Variants in AK4 observed in about 807,000 individuals in gnomAD.
The protein encoded by AK4 is adenylate kinase 4, mitochondrial.
In AK4, 13 loss-of-function variants were observed where a neutral mutation model predicts 24.6. That is an observed-to-expected ratio of 0.53 (90% CI 0.34 to 0.84). The LOEUF (loss-of-function observed/expected upper bound fraction) is 0.84, where lower values mean the gene tolerates loss of function less well. AK4 is among the 40% of genes least tolerant of loss of function. The pLI is 0.01. For synonymous variants in AK4, 88 were observed against 107.0 expected, an observed-to-expected ratio of 0.82 and a Z score of 1.10; for missense variants, 192 against 288.2, an observed-to-expected ratio of 0.67 and a Z score of 2.42.
In AK4 at chr1:65,229,526, CCT is replaced by C. The variant is rs1652571960; in HGVS notation, c.*3356_*3357del. 1 of 151,320 alleles carries C rather than the reference CCT, an allele frequency of 6.6e-6. No individual in the cohort carries two copies. Among genetic ancestry groups the C allele is most frequent in the Non-Finnish European group, 1.5e-5 (1 of 67,880 alleles). 9.4% of individuals were successfully genotyped at this position (151,320 alleles called of 1,614,324 possible). On this transcript the variant is annotated 3_prime_UTR_variant, in exon 5 of 5. Transcript: ENST00000327299. Reference sequence around the variant, plus strand: ...CCAAGCCTGGGCGACACAGCGAGACCCTCTCTCTTAAAAAAAAAAAATAGCAG... The same window carrying C: ...CCAAGCCTGGGCGACACAGCGAGACCCTCTCTTAAAAAAAAAAAATAGCAG...
Position 65,216,342 on chromosome 1 carries a change from T to C in AK4, c.266-2412T>C, listed in dbSNP as rs566713910. ...GACATGGAGTTTTGCCAGGCTGGTCTCGAACTCCTAGCCTCAAGTGATCCA... is the reference window on the plus strand; with the variant it reads ...GACATGGAGTTTTGCCAGGCTGGTCCCGAACTCCTAGCCTCAAGTGATCCA... On this transcript the variant is annotated intron_variant, in intron 2 of 4. Coordinates refer to ENST00000327299, the MANE Select transcript of AK4 (RefSeq NM_013410.4). Among the ~76,000 whole-genome samples, 5 of 152,274 alleles carry C rather than the reference T, an allele frequency of 3.3e-5. No individual in the cohort carries two copies. The South Asian group carries it at 1.0e-3, about 32-fold the overall frequency.
intron 1 of AK4, among the ~76,000 whole-genome samples, chr1:65,183,442 C>G (rs952676913): frequency 6.6e-6 from 1 of 152,010 alleles, no homozygotes; most frequent in African/African-American, 2.4e-5. Flanking sequence ...GGGGGTTTTG[C>G]CATGTTGGCC....
At position 65,161,282 on chromosome 1, in the gene AK4, T is replaced by A. The variant is rs75868399; in HGVS notation, c.145+12730T>A. On this transcript the variant is annotated intron_variant, in intron 1 of 4. Coordinates refer to ENST00000327299, the MANE Select transcript of AK4 (RefSeq NM_013410.4). ...TTATTTTATTATTCATTTGTCCCAT[T>A]TGTCACATGTCCCAGCATTAGGTAT... 2.4e-3 allele frequency among the ~76,000 whole-genome samples: 365 copies of A among 152,222 alleles called. 4 individuals are homozygous for A. Among genetic ancestry groups the A allele is most frequent in the African/African-American group, 8.4e-3 (348 of 41,536 alleles).
At chr1:65,181,061 G>A (rs1650887581) in intron 1 of AK4, among the ~76,000 whole-genome samples, 1 of 150,818 alleles carries the variant, frequency 6.6e-6, no homozygotes, top group Non-Finnish European at 1.5e-5. Context: ...GGAATTTGCT[G>A]TTTTGTGAAC....
intron 2 of AK4, among the ~76,000 whole-genome samples, chr1:65,198,465 C>T (rs780199120): frequency 2.0e-5 from 3 of 152,132 alleles, no homozygotes; most frequent in Admixed American, 6.5e-5. Context: ...ACTAACTTTG[C>T]ACTAGGCTGG....
intron 1 of AK4, among the ~76,000 whole-genome samples, chr1:65,173,977 A>G (rs1650627624): frequency 6.6e-6 from 1 of 152,092 alleles, no homozygotes; most frequent in African/African-American, 2.4e-5. Context: ...GGTGTCCTAA[A>G]AACCTATCAG....
intron 2 of AK4, among the ~76,000 whole-genome samples, chr1:65,212,555 C>T (rs1048446887): frequency 2.6e-5 from 4 of 152,106 alleles, no homozygotes; most frequent in Non-Finnish European, 5.9e-5. Flanking sequence ...GTGGCACAGT[C>T]ACAGCTCACT....
At chr1:65,167,502 T>TA (rs113891826) in intron 1 of AK4, among the ~76,000 whole-genome samples, 158 of 142,758 alleles carry the variant, frequency 1.1e-3, no homozygotes, top group Middle Eastern at 7.0e-3. Flanking sequence ...TGGCTTAGTT[T>TA]AAAAAAAAAA....
At chr1:65,224,214 A>T (rs1652384523) in intron 3 of AK4, among the ~76,000 whole-genome samples, 1 of 152,148 alleles carries the variant, frequency 6.6e-6, no homozygotes, top group Non-Finnish European at 1.5e-5. Context: ...GTATGTCATT[A>T]TTTGATCTAG....
intron 2 of AK4, among the ~76,000 whole-genome samples, chr1:65,206,910 G>T (rs1651829315): frequency 6.6e-6 from 1 of 152,210 alleles, no homozygotes; most frequent in Non-Finnish European, 1.5e-5. Context: ...AGTGATTTTA[G>T]TATAACTTAC....
intron 1 of AK4, among the ~76,000 whole-genome samples, chr1:65,188,087 A>G (rs531267181): frequency 4.6e-5 from 7 of 152,150 alleles, no homozygotes; most frequent in Non-Finnish European, 7.4e-5. Flanking sequence ...CAAGGCTTCT[A>G]CCTAAATTAA....
At chr1:65,189,867 A>G (rs189712090) in intron 1 of AK4, among the ~76,000 whole-genome samples, 3 of 152,304 alleles carry the variant, frequency 2.0e-5, no homozygotes, top group Admixed American at 1.3e-4. Context: ...TCCACTAACA[A>G]CACTCAGCTG....
At chr1:65,197,080 A>G (rs1651495487) in intron 2 of AK4, among the ~76,000 whole-genome samples, 1 of 152,122 alleles carries the variant, frequency 6.6e-6, no homozygotes, top group Non-Finnish European at 1.5e-5. Flanking sequence ...GTTACCTCCT[A>G]CCAGGTTCAT....
chr1:65,153,242 A>C (rs1649860670), intron 1 of AK4, among the ~76,000 whole-genome samples: 1 of 152,180 alleles, frequency 6.6e-6, no homozygotes, highest in Non-Finnish European at 1.5e-5. Context: ...TGTACATCTG[A>C]ATCTTTGCAC....
At chr1:65,161,810 A>G (rs1650176405) in intron 1 of AK4, among the ~76,000 whole-genome samples, 1 of 152,232 alleles carries the variant, frequency 6.6e-6, no homozygotes, top group African/African-American at 2.4e-5. Context: ...TGTACCTGAT[A>G]TCTTCTGGAA....
intron 1 of AK4, among the ~76,000 whole-genome samples, chr1:65,179,872 C>T (rs1190811407): frequency 6.6e-6 from 1 of 152,128 alleles, no homozygotes; most frequent in African/African-American, 2.4e-5. Context: ...TAGAACAACC[C>T]TTGGCACATA....
intron 2 of AK4, among the ~76,000 whole-genome samples, chr1:65,208,673 T>C (rs902062695): frequency 3.9e-5 from 6 of 152,202 alleles, no homozygotes; most frequent in Non-Finnish European, 5.9e-5. Context: ...TGTTGGAAGT[T>C]GCCCTTCTGA....
intron 1 of AK4, among the ~76,000 whole-genome samples, chr1:65,155,854 T>C (rs1005665803): frequency 7.0e-6 from 1 of 143,642 alleles, no homozygotes; most frequent in African/African-American, 2.9e-5. Context: ...GTATTTTTAG[T>C]AGAGACGGTT....
chr1:65,199,746 A>G (rs1009212830), intron 2 of AK4, among the ~76,000 whole-genome samples: 1 of 152,070 alleles, frequency 6.6e-6, no homozygotes, highest in African/African-American at 2.4e-5. Context: ...TCGGGACCAG[A>G]AGTATTTTGG....
Sources: allele counts gnomAD v4.1 joint callset (sites outside exome capture counted in the v4.1 genomes callset), GRCh38; gene constraint gnomAD v4.1.1; transcripts MANE v1.5; gene names NCBI Gene and HGNC (gene_info 2026-07-23, HGNC 2026-07-21).